The following SOX10 variants were observed in gnomAD, a reference collection of about 807,000 sequenced individuals.
SOX10 encodes the protein SRY-box transcription factor 10, also known as transcription factor SOX-10.
SOX10 carries 3 observed loss-of-function variants against 35.0 expected under a neutral mutation model. That is an observed-to-expected ratio of 0.09 (90% CI 0.04 to 0.22). The LOEUF (loss-of-function observed/expected upper bound fraction) is 0.22, where lower values mean the gene tolerates loss of function less well. Ranked by LOEUF, SOX10 falls within the 10% of genes least tolerant of loss-of-function variation. The pLI is 1.00. For missense variants in SOX10, 436 were observed against 655.1 expected (o/e 0.67, Z 3.65); for synonymous variants, 285 against 291.0 (o/e 0.98, Z 0.21).
intron 3 of SOX10, among the ~76,000 whole-genome samples, chr22:37,977,433 G>C (rs923579119): frequency 6.6e-6 from 1 of 151,542 alleles, no homozygotes; most frequent in East Asian, 2.0e-4. Flanking sequence ...CCATCCTCCT[G>C]CCTCAGCCTC....
Position 37,983,616 on chromosome 22 carries a change from C to G in SOX10, c.169G>C (p.Glu57Gln). 6.2e-7 allele frequency: 1 copy of G among 1,606,190 alleles called. No homozygotes were observed. The highest frequency in any genetic ancestry group is 8.5e-7 in the Non-Finnish European group (1 of 1,178,768). Residue 57 changes from glutamate (E) to glutamine (Q), a missense_variant, in exon 2 of 4, where the codon GAG becomes CAG. Transcript: ENST00000396884. This position sits in a 1 kb window ranked among gnomAD's most constrained non-coding sequence, Gnocchi z 9.5. ...GPGELGKVKKEQQDGEADDDK... is the reference protein window; with the variant it reads ...GPGELGKVKKQQQDGEADDDK... ...TCGTCCGCCTCGCCGTCCTGCTGCT[C>G]CTTCTTGACCTTGCCCAGCTCGCCT...
intron 2 of SOX10, among the ~76,000 whole-genome samples, chr22:37,982,638 G>C (rs956530950): frequency 6.6e-6 from 1 of 151,986 alleles, no homozygotes; most frequent in Non-Finnish European, 1.5e-5. Flanking sequence ...CGTTGGGGTG[G>C]GGCCCTGGCA....
rs546703925 is a variant in SOX10, at chr22:37,974,883, G to A, written c.698-685C>T. Reference sequence around the variant, plus strand: ...CTGTCTTCCTTGCTGAGCCTCGCTCGCCCAGGCTCCTGAGTGCTCTGTTTC... The same window carrying A: ...CTGTCTTCCTTGCTGAGCCTCGCTCACCCAGGCTCCTGAGTGCTCTGTTTC... On this transcript the variant is annotated intron_variant, in intron 3 of 3. Coordinates refer to ENST00000396884, the MANE Select transcript of SOX10 (RefSeq NM_006941.4). This position sits in a 1 kb window ranked among gnomAD's most constrained non-coding sequence, Gnocchi z 5.4. Among the ~76,000 whole-genome samples, 1 of 152,072 alleles carries A rather than the reference G, an allele frequency of 6.6e-6. No homozygotes were observed. Among genetic ancestry groups the A allele is most frequent in the Non-Finnish European group, 1.5e-5 (1 of 68,030 alleles).
At position 37,977,619 on chromosome 22, in the gene SOX10, G is replaced by A. The variant is rs117929423; in HGVS notation, c.697+248C>T. Among the ~76,000 whole-genome samples the A allele has an allele frequency of 8.4e-4, 128 of 151,730 alleles. No individual in the cohort carries two copies. In the East Asian group the frequency reaches 0.021, roughly 25 times the overall value. On this transcript the variant is annotated intron_variant, in intron 3 of 3. Coordinates refer to ENST00000396884, the MANE Select transcript of SOX10 (RefSeq NM_006941.4). ...ACAGGTGTGAGCCACCACACCCGGC[G>A]GCCTCCACAGTCTTTAACTGGCCCT...
Position 37,974,453 on chromosome 22 carries a change from A to G in SOX10, c.698-255T>C, listed in dbSNP as rs1932166024. On this transcript the variant is annotated intron_variant, in intron 3 of 3. Transcript: ENST00000396884. The surrounding 1 kb of genome is among the most constrained non-coding windows in gnomAD (Gnocchi z 5.4). ...CTGCAACCTCTGCCTCCTGGGTTCA[A>G]ATGATTCTCCTGCCTCAGCCTCCTG... Among the ~76,000 whole-genome samples the G allele has an allele frequency of 1.3e-5, 2 of 151,666 alleles. No individual in the cohort carries two copies. The highest frequency in any genetic ancestry group is 4.9e-5 in the African/African-American group (2 of 41,212).
chr22:37,979,167 A>C (rs1283946290), intron 2 of SOX10, among the ~76,000 whole-genome samples: 2 of 152,018 alleles, frequency 1.3e-5, no homozygotes, highest in Non-Finnish European at 2.9e-5. Context: ...ATGCGGTCTC[A>C]GCTCACTGCA....
rs1932085119 is a variant in SOX10 at position 37,972,328 on chromosome 22, T to C, written c.*1167A>G. On this transcript the variant is annotated 3_prime_UTR_variant, in exon 4 of 4. Coordinates refer to ENST00000396884, the MANE Select transcript of SOX10 (RefSeq NM_006941.4). The stretch of plus-strand genomic sequence containing the variant: ...CCAAGCAGGTAACCGGAACCTTTAA[T>C]TTTATTATGTGGAATGCTTAATGCA... 1.1e-6 allele frequency: 1 copy of C among 930,228 alleles called. No homozygotes were observed. Among genetic ancestry groups the C allele is most frequent in the Admixed American group, 2.3e-5 (1 of 42,870 alleles). 57.6% of individuals were successfully genotyped at this position (930,228 alleles called of 1,614,324 possible). A position where few individuals can be genotyped will look rare whatever the true frequency, so the allele number is the denominator to read the frequency against.
chr22:37,973,458 A>G lies in SOX10; in HGVS notation c.*37T>C. On this transcript the variant is annotated 3_prime_UTR_variant, in exon 4 of 4. Transcript: ENST00000396884. ...GGAACAGGGCACACAGGCTGGGGGC[A>G]GGGGCTGGGCGGGGGGTGGTGGCGA... 2 of 1,350,584 alleles carry G rather than the reference A, an allele frequency of 1.5e-6. No homozygotes were observed. The highest frequency in any genetic ancestry group is 2.6e-5 in the South Asian group (2 of 76,110). 83.7% of individuals were successfully genotyped at this position (1,350,584 alleles called of 1,614,324 possible).
At position 37,972,453 on chromosome 22, in the gene SOX10, G is replaced by A. The variant is rs997745129; in HGVS notation, c.*1042C>T. 4 of 350,580 alleles carry A rather than the reference G, an allele frequency of 1.1e-5. No homozygotes were observed. The highest frequency in any genetic ancestry group is 2.2e-5 in the African/African-American group (1 of 46,462). The allele number at this position is 350,580 out of a possible 1,614,324, so 21.7% of individuals were successfully genotyped here. A position where few individuals can be genotyped will look rare whatever the true frequency, so the allele number is the denominator to read the frequency against. On this transcript the variant is annotated 3_prime_UTR_variant, in exon 4 of 4. Coordinates refer to ENST00000396884, the MANE Select transcript of SOX10 (RefSeq NM_006941.4). ...GTGGATTTGGGGGGCTGCAGAACAG[G>A]AAAATAGGGGCAGATATAGCTACAT...
rs1932100353 is a variant in SOX10, at chr22:37,972,849, T to A, written c.*646A>T. 1 of 153,492 alleles carries A rather than the reference T, an allele frequency of 6.5e-6. No homozygotes were observed. The highest frequency in any genetic ancestry group is 1.4e-5 in the Non-Finnish European group (1 of 68,984). 9.5% of individuals were successfully genotyped at this position (153,492 alleles called of 1,614,324 possible). Reference sequence around the variant, plus strand: ...GCTGTTTCTCAGACAAAGAATGAGGTTATTGGCACAGAATTGGATCAGGGG... The same window carrying A: ...GCTGTTTCTCAGACAAAGAATGAGGATATTGGCACAGAATTGGATCAGGGG... On this transcript the variant is annotated 3_prime_UTR_variant, in exon 4 of 4. Coordinates refer to ENST00000396884, the MANE Select transcript of SOX10 (RefSeq NM_006941.4).
At position 37,983,956 on chromosome 22, in the gene SOX10, C is replaced by T; in HGVS notation, c.-84-88G>A. On this transcript the variant is annotated intron_variant, in intron 1 of 3. Coordinates refer to ENST00000396884, the MANE Select transcript of SOX10 (RefSeq NM_006941.4). The surrounding 1 kb of genome is among the most constrained non-coding windows in gnomAD (Gnocchi z 9.5). ...GGACGTGGGCACAGCCCCGAGGTGG[C>T]GGCCCTTCCTGCTCCAGCTAAACCC... is the stretch of plus-strand genomic sequence containing the variant. 1 of 410,252 alleles carries T rather than the reference C, an allele frequency of 2.4e-6. No homozygotes were observed. The highest frequency in any genetic ancestry group is 4.0e-6 in the Non-Finnish European group (1 of 248,232). 25.4% of individuals were successfully genotyped at this position (410,252 alleles called of 1,614,324 possible).
rs139860510 is a variant in SOX10, at chr22:37,980,292, C to T, written c.429-2157G>A. 4.9e-4 allele frequency among the ~76,000 whole-genome samples: 75 copies of T among 152,162 alleles called. No homozygotes were observed. Among genetic ancestry groups the T allele is most frequent in the Non-Finnish European group, 9.4e-4 (64 of 67,990 alleles). On this transcript the variant is annotated intron_variant, in intron 2 of 3. Coordinates refer to ENST00000396884, the MANE Select transcript of SOX10 (RefSeq NM_006941.4). The surrounding 1 kb of genome is among the most constrained non-coding windows in gnomAD (Gnocchi z 4.1). ...GAGAGCTGCTCCGCCAGCAGTGGAC[C>T]CCAACAGAGGGGCTTCTGGGATGGC... is the stretch of plus-strand genomic sequence containing the variant.
At position 37,973,858 on chromosome 22, in the gene SOX10, T is replaced by A; in HGVS notation, c.1038A>T (p.Ser346=). 1 of 1,608,084 alleles carries A rather than the reference T, an allele frequency of 6.2e-7. No individual in the cohort carries two copies. Among genetic ancestry groups the A allele is most frequent in the African/African-American group, 1.3e-5 (1 of 74,950 alleles). ...KPPGVALPTV[S]PPGVDAKAQV... ...GGGCTTTGGCATCCACACCAGGTGG[T>A]GAGACCGTGGGCAGAGCCACGCCTG... Residue 346 remains serine (S), a synonymous_variant, in exon 4 of 4, where the codon TCA becomes TCT. Transcript: ENST00000396884.
Position 37,973,341 on chromosome 22 carries a change from G to T in SOX10, c.*154C>A. ...CTGGATGGGGCGGGTGGGTCATCAGGGCAGTGAGCCAGACAGAAAGCCCCC... is the reference window on the plus strand; with the variant it reads ...CTGGATGGGGCGGGTGGGTCATCAGTGCAGTGAGCCAGACAGAAAGCCCCC... On this transcript the variant is annotated 3_prime_UTR_variant, in exon 4 of 4. Transcript: ENST00000396884. 3 of 604,646 alleles carry T rather than the reference G, an allele frequency of 5.0e-6. No individual in the cohort carries two copies. Among genetic ancestry groups the T allele is most frequent in the Non-Finnish European group, 8.7e-6 (3 of 344,310 alleles). 37.5% of individuals were successfully genotyped at this position (604,646 alleles called of 1,614,324 possible).
At chr22:37,979,825 C>T (rs909907691) in intron 2 of SOX10, among the ~76,000 whole-genome samples, 6 of 152,034 alleles carry the variant, frequency 3.9e-5, no homozygotes, top group African/African-American at 1.5e-4. Flanking sequence ...AATCCCAGAC[C>T]TTGGTACTGA....
At chr22:37,981,573 A>G (rs1424285163) in intron 2 of SOX10, among the ~76,000 whole-genome samples, 1 of 152,152 alleles carries the variant, frequency 6.6e-6, no homozygotes, top group Non-Finnish European at 1.5e-5. Flanking sequence ...ACCCTTGGCA[A>G]TGGGAGATGG....
chr22:37,973,227 G>GT lies in SOX10; in HGVS notation c.*267dup. 1 of 446,044 alleles carries GT rather than the reference G, an allele frequency of 2.2e-6. No individual in the cohort carries two copies. The highest frequency in any genetic ancestry group is 4.0e-6 in the Non-Finnish European group (1 of 250,466). 27.6% of individuals were successfully genotyped at this position (446,044 alleles called of 1,614,324 possible). ...GATAGAGGGTCATTCCTGGGGGAAGGTGCAGCCCCTCATCTTTCAGTGTGG... is the reference window on the plus strand; with the variant it reads ...GATAGAGGGTCATTCCTGGGGGAAGGTTGCAGCCCCTCATCTTTCAGTGTGG... On this transcript the variant is annotated 3_prime_UTR_variant, in exon 4 of 4. Transcript: ENST00000396884.
rs1272488625 is a variant in SOX10 at position 37,980,100 on chromosome 22, C to T, written c.429-1965G>A. On this transcript the variant is annotated intron_variant, in intron 2 of 3. Coordinates refer to ENST00000396884, the MANE Select transcript of SOX10 (RefSeq NM_006941.4). The surrounding 1 kb of genome is among the most constrained non-coding windows in gnomAD (Gnocchi z 4.1). ...TAGCCCCAGCTTTCTCAGAGGGTCC[C>T]TCCAGCCGAGACTCTGTCAGAGTCA... Among the ~76,000 whole-genome samples, 1 of 152,168 alleles carries T rather than the reference C, an allele frequency of 6.6e-6. No homozygotes were observed. Among genetic ancestry groups the T allele is most frequent in the Non-Finnish European group, 1.5e-5 (1 of 68,024 alleles).
intron 2 of SOX10, among the ~76,000 whole-genome samples, chr22:37,982,023 A>T (rs1932412875): frequency 6.6e-6 from 1 of 151,932 alleles, no homozygotes; most frequent in South Asian, 2.1e-4. Context: ...CCCAATCTCT[A>T]CCCAACTGTG....
Sources: gnomAD v4.1 joint callset for allele counts (sites outside exome capture counted in the v4.1 genomes callset) on GRCh38, gnomAD v4.1.1 for gene constraint, Gnocchi (gnomAD v3.1) non-coding constraint, MANE v1.5 for transcripts, NCBI Gene and HGNC (gene_info 2026-07-23, HGNC 2026-07-21) for gene names.